Variants in OXR1 observed in about 807,000 individuals in gnomAD.
The protein encoded by OXR1 is oxidation resistance protein 1.
OXR1 carries 41 observed loss-of-function variants against 104.6 expected under a neutral mutation model. That is an observed-to-expected ratio of 0.39 (90% CI 0.31 to 0.51). OXR1 has a LOEUF of 0.51. Among genes scored for constraint, OXR1 ranks in the 20% least tolerant of loss-of-function variants. OXR1 has a pLI of 0.77. For synonymous variants in OXR1, 348 were observed against 348.4 expected (o/e 1.00, Z 0.01); for missense variants, 955 against 1,031.9 (o/e 0.93, Z 1.02).
At chr8:106,379,537 C>CTTTTTTTTTTTTTTTTTTTTTTTTCT (rs60855438) in intron 2 of OXR1, among the ~76,000 whole-genome samples, 1 of 108,398 alleles carries the variant, frequency 9.2e-6, no homozygotes, top group Non-Finnish European at 1.8e-5. Context: ...TTCTTTCTTT[C>CTTTTTTTTTTTTTTTTTTTTTTTTCT]TTTTTTTTTT....
At chr8:106,511,149 GA>G (rs1812498430) in intron 2 of OXR1, among the ~76,000 whole-genome samples, 2 of 152,158 alleles carry the variant, frequency 1.3e-5, no homozygotes, top group South Asian at 4.1e-4. Flanking sequence ...TTGAGTTTCT[GA>G]ACATGCTTGG....
intron 1 of OXR1, among the ~76,000 whole-genome samples, chr8:106,287,815 A>G (rs1329712311): frequency 6.6e-6 from 1 of 152,230 alleles, no homozygotes; most frequent in Non-Finnish European, 1.5e-5. Flanking sequence ...CAAAATTAGC[A>G]TTCACATTTA....
intron 2 of OXR1, among the ~76,000 whole-genome samples, chr8:106,389,677 T>G (rs1296346459): frequency 6.6e-6 from 1 of 152,210 alleles, no homozygotes; most frequent in African/African-American, 2.4e-5. Context: ...AACTGATATT[T>G]CATATTTGAT....
At chr8:106,570,424 G>A (rs546364948) in intron 3 of OXR1, among the ~76,000 whole-genome samples, 1 of 152,266 alleles carries the variant, frequency 6.6e-6, no homozygotes, top group African/African-American at 2.4e-5. Flanking sequence ...CAACATGAAC[G>A]ATTAGGAAGG....
chr8:106,663,384 G>A (rs1825960270), intron 3 of OXR1, among the ~76,000 whole-genome samples: 1 of 152,186 alleles, frequency 6.6e-6, no homozygotes, highest in African/African-American at 2.4e-5. Flanking sequence ...AATTAGTTAA[G>A]ATTGTAAAGG....
intron 2 of OXR1, among the ~76,000 whole-genome samples, chr8:106,413,347 C>T (rs61466727): frequency 0.13 from 20,296 of 152,050 alleles, 1,693 homozygotes; most frequent in African/African-American, 0.24. Context: ...TCAGAATTAA[C>T]GATCCCTTGC....
intron 3 of OXR1, among the ~76,000 whole-genome samples, chr8:106,550,340 T>A (rs1815705084): frequency 1.3e-5 from 2 of 152,178 alleles, no homozygotes; most frequent in Admixed American, 1.3e-4. Context: ...CACAACAGCA[T>A]TCCATGCAAT....
At chr8:106,400,172 G>A (rs758997347) in intron 2 of OXR1, among the ~76,000 whole-genome samples, 10 of 152,022 alleles carry the variant, frequency 6.6e-5, no homozygotes, top group Admixed American at 2.0e-4. Flanking sequence ...GCAGTTGCAT[G>A]TGTTGCACTA....
intron 3 of OXR1, among the ~76,000 whole-genome samples, chr8:106,669,079 A>C (rs1375722673): frequency 6.6e-6 from 1 of 152,158 alleles, no homozygotes; most frequent in Non-Finnish European, 1.5e-5. Flanking sequence ...TAGATGGAGG[A>C]AAAGGGGCAG....
At chr8:106,448,484 C>T (rs1278585815) in intron 2 of OXR1, among the ~76,000 whole-genome samples, 1 of 151,662 alleles carries the variant, frequency 6.6e-6, no homozygotes, top group Non-Finnish European at 1.5e-5. Context: ...ATATTAAGCA[C>T]ATATATTTCA....
chr8:106,701,875 C>G (rs558770149), intron 7 of OXR1, among the ~76,000 whole-genome samples: 2 of 152,260 alleles, frequency 1.3e-5, no homozygotes, highest in South Asian at 4.1e-4. Flanking sequence ...AATAAATATT[C>G]ATGTTAGTAT....
chr8:106,490,193 T>C (rs532576569), intron 2 of OXR1, among the ~76,000 whole-genome samples: 1 of 152,328 alleles, frequency 6.6e-6, no homozygotes, highest in South Asian at 2.1e-4. Flanking sequence ...TTGTTTTTCT[T>C]TCAACAATAC....
chr8:106,437,325 C>T (rs368999250), intron 2 of OXR1, among the ~76,000 whole-genome samples: 4 of 152,040 alleles, frequency 2.6e-5, no homozygotes, highest in Non-Finnish European at 2.9e-5. Flanking sequence ...ATAATGATTT[C>T]GTGTCTAATT....
chr8:106,394,287 T>C (rs905240100), intron 2 of OXR1, among the ~76,000 whole-genome samples: 2 of 150,580 alleles, frequency 1.3e-5, no homozygotes, highest in Non-Finnish European at 3.0e-5. Flanking sequence ...AGATATGCTA[T>C]ACAACTGTTA....
intron 2 of OXR1, among the ~76,000 whole-genome samples, chr8:106,435,482 A>G (rs893712912): frequency 2.0e-5 from 3 of 152,180 alleles, no homozygotes; most frequent in African/African-American, 7.2e-5. Flanking sequence ...GCCTGTTCCA[A>G]TAATTACCAG....
chr8:106,590,568 G>A (rs1454094326), intron 3 of OXR1, among the ~76,000 whole-genome samples: 1 of 152,208 alleles, frequency 6.6e-6, no homozygotes, highest in South Asian at 2.1e-4. Flanking sequence ...TTACAGGCAT[G>A]AGCCACCGTG....
chr8:106,496,017 A>G (rs1360414365), intron 2 of OXR1, among the ~76,000 whole-genome samples: 2 of 152,164 alleles, frequency 1.3e-5, no homozygotes. Context: ...TAAAAAATAA[A>G]TATTAAATTT....
intron 3 of OXR1, among the ~76,000 whole-genome samples, chr8:106,673,515 A>C (rs895559299): frequency 1.3e-5 from 2 of 152,238 alleles, no homozygotes; most frequent in Non-Finnish European, 2.9e-5. Flanking sequence ...GCAGCCTGAC[A>C]ATGCAATAGA....
intron 2 of OXR1, among the ~76,000 whole-genome samples, chr8:106,450,956 C>T (rs1043634023): frequency 5.9e-5 from 9 of 152,062 alleles, no homozygotes; most frequent in African/African-American, 2.2e-4. Context: ...AAGCAGCAAA[C>T]TGTGATATTC....
Sources: gnomAD v4.1 joint callset for allele counts (sites outside exome capture counted in the v4.1 genomes callset) on GRCh38, gnomAD v4.1.1 for gene constraint, MANE v1.5 for transcripts, NCBI Gene and HGNC (gene_info 2026-07-23, HGNC 2026-07-21) for gene names.